ZNF566: variants seen among roughly 807,000 people sequenced by gnomAD.
ZNF566 encodes zinc finger protein 566.
Under a neutral mutation model 32.8 loss-of-function variants are expected in ZNF566, and 27 were observed. The observed-to-expected ratio is 0.82, with a 90% CI of 0.61 to 1.14. The LOEUF is 1.14. ZNF566 is among the 50% of genes most tolerant of loss of function. The pLI, the probability that ZNF566 is intolerant of heterozygous loss-of-function variation, is 0.00. For synonymous variants in ZNF566, 154 were observed against 159.5 expected (o/e 0.97, Z 0.26); for missense variants, 402 against 490.4 (o/e 0.82, Z 1.70).
chr19:36,450,032 AT>A, intron 4 of ZNF566, 31 bp from the exon 5 acceptor site: 1 of 1,542,296 alleles, frequency 6.5e-7, no homozygotes. Context: ...AATCACTCAC[AT>A]TTTTCTTGTT....
intron 1 of ZNF566, among the ~76,000 whole-genome samples, chr19:36,483,182 T>A (rs1376234154): frequency 6.6e-6 from 1 of 152,216 alleles, no homozygotes; most frequent in East Asian, 1.9e-4. Flanking sequence ...TAGTTCATAG[T>A]TCTTGGGAAA....
In ZNF566 at chr19:36,462,078, T is replaced by G. The variant is rs1203477969; in HGVS notation, c.232+10833A>C. Among the ~76,000 whole-genome samples the G allele has an allele frequency of 2.0e-5, 3 of 149,734 alleles. No individual in the cohort carries two copies. In the Admixed American group the frequency reaches 2.0e-4, roughly 10 times the overall value. ...ATCTCGGCTCACCCCAACCTCTGCCTCCCGGGTTCAAGCAATTCTCCTGCC... is the reference window on the plus strand; with the variant it reads ...ATCTCGGCTCACCCCAACCTCTGCCGCCCGGGTTCAAGCAATTCTCCTGCC... On this transcript the variant is annotated intron_variant, in intron 4 of 4. Coordinates refer to ENST00000452939, the MANE Select transcript of ZNF566 (RefSeq NM_001145344.1).
chr19:36,451,340 GATATGGT>G (rs1419858267), intron 4 of ZNF566, among the ~76,000 whole-genome samples: 2 of 152,188 alleles, frequency 1.3e-5, no homozygotes, highest in Non-Finnish European at 2.9e-5. Flanking sequence ...TTTGTGGACA[GATATGGT>G]ATATGTTTGG....
intron 1 of ZNF566, among the ~76,000 whole-genome samples, chr19:36,486,966 T>C (rs1482332182): frequency 6.6e-6 from 1 of 150,926 alleles, no homozygotes; most frequent in Non-Finnish European, 1.5e-5. Flanking sequence ...GGCACGCACC[T>C]GTAATCCCAG....
At chr19:36,470,200 T>C (rs2033727465) in intron 4 of ZNF566, among the ~76,000 whole-genome samples, 1 of 152,112 alleles carries the variant, frequency 6.6e-6, no homozygotes, top group South Asian at 2.1e-4. Flanking sequence ...CTCTCCAAAT[T>C]TTCCTCCAAT....
Position 36,476,593 on chromosome 19 carries a change from C to T in ZNF566, c.-36G>A. ...TTTGTAGAAAAGGACCTTCTCTTGG[C>T]TCTTCTTTTGGAGAAGGGTAGAGCT... is the stretch of plus-strand genomic sequence containing the variant. On this transcript the variant is annotated 5_prime_UTR_variant, in exon 2 of 5. Transcript: ENST00000452939. 6.2e-7 allele frequency: 1 copy of T among 1,613,254 alleles called. No homozygotes were observed. The highest frequency in any genetic ancestry group is 2.2e-5 in the East Asian group (1 of 44,832).
intron 4 of ZNF566, among the ~76,000 whole-genome samples, chr19:36,464,535 G>A (rs2033564576): frequency 1.3e-5 from 2 of 152,122 alleles, no homozygotes; most frequent in Admixed American, 1.3e-4. Context: ...TGCATTAATA[G>A]GTCTTTAATA....
At chr19:36,458,551 A>G (rs1039935163) in intron 4 of ZNF566, among the ~76,000 whole-genome samples, 1 of 152,188 alleles carries the variant, frequency 6.6e-6, no homozygotes, top group African/African-American at 2.4e-5. Flanking sequence ...GTTACTCAGA[A>G]TAAAAAATTT....
chr19:36,471,207 C>G (rs1004695442), intron 4 of ZNF566, among the ~76,000 whole-genome samples: 26 of 121,066 alleles, frequency 2.1e-4, no homozygotes, highest in African/African-American at 8.3e-4. Context: ...GAGCGAGACT[C>G]TGTCTCAAAA....
chr19:36,476,755 C>CCCT, intron 1 of ZNF566, 139 bp from the exon 2 acceptor site: 1 of 650,208 alleles, frequency 1.5e-6, no homozygotes, highest in Non-Finnish European at 2.5e-6. Flanking sequence ...TCTCTATCAT[C>CCCT]CCTAGCTTCA....
intron 4 of ZNF566, among the ~76,000 whole-genome samples, chr19:36,460,297 A>T (rs1421307473): frequency 1.3e-5 from 2 of 152,336 alleles, no homozygotes; most frequent in East Asian, 1.9e-4. Flanking sequence ...CAGCTATTTT[A>T]AAAATGCTTG....
Position 36,448,803 on chromosome 19 carries a change from G to A in ZNF566, c.*174C>T. On this transcript the variant is annotated 3_prime_UTR_variant, in exon 5 of 5. Transcript: ENST00000452939. ...AAGCGTTTAGTTAAGGGCTTCCAAA[G>A]TATATTCTATTCATAGAGTATTTCT... 1 of 562,282 alleles carries A rather than the reference G, an allele frequency of 1.8e-6. No homozygotes were observed. The highest frequency in any genetic ancestry group is 2.9e-6 in the Non-Finnish European group (1 of 339,100). The allele number at this position is 562,282 out of a possible 1,614,324, so 34.8% of individuals were successfully genotyped here.
rs537017337 is a variant in ZNF566, at chr19:36,447,422, T to C, written c.*1555A>G. The C allele has an allele frequency of 1.3e-5, 2 of 152,344 alleles. No individual in the cohort carries two copies. Among genetic ancestry groups the C allele is most frequent in the South Asian group, 2.1e-4 (1 of 4,830 alleles). The allele number at this position is 152,344 out of a possible 1,614,324, so 9.4% of individuals were successfully genotyped here. ...AGTTAACTGATCACATGCTAATTTT[T>C]CCCTGTTCTCTGTGTTTATGAGAGT... On this transcript the variant is annotated 3_prime_UTR_variant, in exon 5 of 5. Transcript: ENST00000452939.
chr19:36,449,352 A>G lies in ZNF566; in HGVS notation c.882T>C (p.Ser294=), dbSNP rs1352486012. The change falls in exon 5 of 5, where the codon AGT becomes AGC. Residue 294 remains serine, a synonymous_variant. Transcript: ENST00000452939. ...TCTGATGTTGAGTAAAGTTTGAGCC[A>G]CTACTAAAGGCCTTCCCGCATTCTT... ...ECKECGKAFS[S]GSNFTQHQRI... 1.2e-6 allele frequency: 2 copies of G among 1,614,172 alleles called. No homozygotes were observed. The highest frequency in any genetic ancestry group is 1.7e-6 in the Non-Finnish European group (2 of 1,180,022).
At chr19:36,451,311 GA>G (rs1314028097) in intron 4 of ZNF566, among the ~76,000 whole-genome samples, 3 of 152,222 alleles carry the variant, frequency 2.0e-5, no homozygotes, top group Non-Finnish European at 4.4e-5. Flanking sequence ...AACATAGTAT[GA>G]GTGGTAGATA....
chr19:36,449,848 T>C lies in ZNF566; in HGVS notation c.386A>G (p.Lys129Arg). The part of the protein sequence containing the change: ...RDDWECNRQF[K>R]KELGSQGGHF... The stretch of plus-strand genomic sequence containing the variant: ...TCCCCCCTGAGAGCCGAGTTCTTTC[T>C]TAAACTGCCGATTACATTCCCAATC... The change falls in exon 5 of 5, where the codon AAG becomes AGG. Residue 129 changes from lysine (K) to arginine (R), a missense_variant. Coordinates refer to ENST00000452939, the MANE Select transcript of ZNF566 (RefSeq NM_001145344.1). The C allele has an allele frequency of 1.2e-6, 2 of 1,614,182 alleles. No individual in the cohort carries two copies. Among genetic ancestry groups the C allele is most frequent in the East Asian group, 4.5e-5 (2 of 44,882 alleles).
At chr19:36,467,217 C>G (rs757836933) in intron 4 of ZNF566, among the ~76,000 whole-genome samples, 1 of 149,670 alleles carries the variant, frequency 6.7e-6, no homozygotes, top group Non-Finnish European at 1.5e-5. Context: ...AGGCGGATCA[C>G]GAGGTCAGGA....
chr19:36,453,987 C>A (rs943898712), intron 4 of ZNF566, among the ~76,000 whole-genome samples: 19 of 152,126 alleles, frequency 1.2e-4, no homozygotes, highest in Non-Finnish European at 2.1e-4. Flanking sequence ...CCACACCTGG[C>A]TAATTTTTTG....
Position 36,476,621 on chromosome 19 carries a change from G to C in ZNF566, c.-59-5C>G. The C allele has an allele frequency of 6.2e-7, 1 of 1,608,670 alleles. No individual in the cohort carries two copies. Among genetic ancestry groups the C allele is most frequent in the Non-Finnish European group, 8.5e-7 (1 of 1,178,016 alleles). On this transcript the variant is annotated splice_polypyrimidine_tract_variant and splice_region_variant and intron_variant, in intron 1 of 4. Transcript: ENST00000452939. ...TTCTTTTGGAGAAGGGTAGAGCTGGGAGAGGCAAAAGAAGATAGATAAGAC... is the reference window on the plus strand; with the variant it reads ...TTCTTTTGGAGAAGGGTAGAGCTGGCAGAGGCAAAAGAAGATAGATAAGAC...
Sources: gnomAD v4.1 joint callset for allele counts (sites outside exome capture counted in the v4.1 genomes callset) on GRCh38, gnomAD v4.1.1 for gene constraint, MANE v1.5 for transcripts, NCBI Gene and HGNC (gene_info 2026-07-23, HGNC 2026-07-21) for gene names.